The following MYOZ3 variants were observed in gnomAD, a reference collection of about 807,000 sequenced individuals.
MYOZ3 encodes the protein myozenin-3.
In MYOZ3, 19 loss-of-function variants were observed where a neutral mutation model predicts 26.5. That is an observed-to-expected ratio of 0.72 (90% CI 0.50 to 1.05). The LOEUF (loss-of-function observed/expected upper bound fraction) is 1.05. Among genes scored for constraint, MYOZ3 ranks in the 50% least tolerant of loss-of-function variants. The probability of loss-of-function intolerance (pLI) is 0.00; values close to 1 mark genes in which losing one functional copy is unlikely to be tolerated. For synonymous variants in MYOZ3, 135 were observed against 138.8 expected, an observed-to-expected ratio of 0.97 and a Z score of 0.19; for missense variants, 322 against 337.1, an observed-to-expected ratio of 0.96 and a Z score of 0.35.
chr5:150,669,320 C>T (rs895350525), intron 2 of MYOZ3, among the ~76,000 whole-genome samples: 6 of 151,694 alleles, frequency 4.0e-5, no homozygotes, highest in African/African-American at 1.5e-4. Context: ...TGGTGGTGCG[C>T]ACCTGTAATC....
rs1394752525 is a variant in MYOZ3, at chr5:150,679,191, C to T, written c.*2316C>T. 6.6e-6 allele frequency: 1 copy of T among 152,286 alleles called. No homozygotes were observed. Among genetic ancestry groups the T allele is most frequent in the Non-Finnish European group, 1.5e-5 (1 of 68,040 alleles). 9.4% of individuals were successfully genotyped at this position (152,286 alleles called of 1,614,324 possible). Reference sequence around the variant, plus strand: ...GGACTCCAGTTGCCTCAGGTTGGTTCTGCTGTGCTCTGGAAAGTAACTGCA... The same window carrying T: ...GGACTCCAGTTGCCTCAGGTTGGTTTTGCTGTGCTCTGGAAAGTAACTGCA... On this transcript the variant is annotated 3_prime_UTR_variant, in exon 7 of 7. Coordinates refer to ENST00000517768, the MANE Select transcript of MYOZ3 (RefSeq NM_001122853.3).
chr5:150,672,155 G>GT (rs1250128121), intron 5 of MYOZ3, 185 bp from the exon 6 acceptor site: 1 of 1,058,506 alleles, frequency 9.4e-7, no homozygotes, highest in Admixed American at 2.0e-5. Flanking sequence ...GCAGTCCTCC[G>GT]TGTTTCCTGG....
intron 1 of MYOZ3, among the ~76,000 whole-genome samples, chr5:150,662,408 T>C (rs1219254011): frequency 2.0e-5 from 3 of 152,144 alleles, no homozygotes; most frequent in African/African-American, 7.2e-5. Context: ...TTCTCTCTGC[T>C]TGGTTGGACC....
At chr5:150,666,648 T>TAC (rs1554113791) in intron 2 of MYOZ3, among the ~76,000 whole-genome samples, 42 of 143,026 alleles carry the variant, frequency 2.9e-4, no homozygotes, top group African/African-American at 8.3e-4. Context: ...TATATATATA[T>TAC]ACACACACAT....
At position 150,677,481 on chromosome 5, in the gene MYOZ3, CTT is replaced by C. The variant is rs1422880550; in HGVS notation, c.*607_*608del. Reference sequence around the variant, plus strand: ...AGTACTCCAGGTGATTCCAGCATAACTTATCCATGGTTTGTGTCATTAGGAGT... The same window carrying C: ...AGTACTCCAGGTGATTCCAGCATAACATCCATGGTTTGTGTCATTAGGAGT... On this transcript the variant is annotated 3_prime_UTR_variant, in exon 7 of 7. Coordinates refer to ENST00000517768, the MANE Select transcript of MYOZ3 (RefSeq NM_001122853.3). The C allele has an allele frequency of 2.0e-5, 3 of 152,588 alleles. No individual in the cohort carries two copies. Among genetic ancestry groups the C allele is most frequent in the African/African-American group, 7.2e-5 (3 of 41,436 alleles). The allele number at this position is 152,588 out of a possible 1,614,324, so 9.5% of individuals were successfully genotyped here.
intron 3 of MYOZ3, chr5:150,671,312 G>T (rs1309487888): frequency 4.1e-6 from 2 of 492,026 alleles, no homozygotes; most frequent in Admixed American, 3.6e-5. Flanking sequence ...CTGAGGAAGA[G>T]ATCTTCATCA....
chr5:150,664,994 AATACTAT>A (rs1184231704), intron 2 of MYOZ3, among the ~76,000 whole-genome samples: 1 of 151,630 alleles, frequency 6.6e-6, no homozygotes. Context: ...ACATGGGCTA[AATACTAT>A]ATGCTATGTT....
At chr5:150,671,320 T>A in intron 3 of MYOZ3, 1 of 502,086 alleles carries the variant, frequency 2.0e-6, no homozygotes, top group South Asian at 2.5e-5. Context: ...GAGATCTTCA[T>A]CACCATCATC....
intron 2 of MYOZ3, among the ~76,000 whole-genome samples, chr5:150,668,814 C>G (rs1269402267): frequency 6.6e-6 from 1 of 152,130 alleles, no homozygotes; most frequent in Non-Finnish European, 1.5e-5. Flanking sequence ...CAGCCATCAC[C>G]CTGAAAATCC....
chr5:150,662,939 A>G lies in MYOZ3; in HGVS notation c.-1-2A>G. ...CCATTTATGGGGGTCTCTCCTCCAC[A>G]GGATGATCCCCAAGGAGCAGAAGGG... On this transcript the variant is annotated splice_acceptor_variant, in intron 1 of 6. Transcript: ENST00000517768. LOFTEE classifies it low-confidence loss of function (5UTR_SPLICE). 4 of 1,610,716 alleles carry G rather than the reference A, an allele frequency of 2.5e-6. No individual in the cohort carries two copies. Among genetic ancestry groups the G allele is most frequent in the Non-Finnish European group, 3.4e-6 (4 of 1,178,526 alleles).
intron 5 of MYOZ3, 80 bp from the exon 6 acceptor site, chr5:150,672,260 G>A: frequency 6.5e-7 from 1 of 1,542,226 alleles, no homozygotes; most frequent in Non-Finnish European, 8.8e-7. Context: ...AACCGCGTCC[G>A]CGGAATGGGG....
At chr5:150,670,166 G>C (rs6579800) in intron 2 of MYOZ3, 11,959 of 202,070 alleles carry the variant, frequency 0.059, 1,371 homozygotes, top group African/African-American at 0.24. Context: ...AAAATATCGA[G>C]AATCTGACCA....
intron 3 of MYOZ3, chr5:150,671,276 A>C: frequency 1.5e-5 from 5 of 335,188 alleles, no homozygotes; most frequent in Non-Finnish European, 2.2e-5. Flanking sequence ...CTTTGCAGGT[A>C]TCTCATTTAA....
At chr5:150,672,098 G>C in intron 5 of MYOZ3, 190 bp downstream of exon 5, 2 of 1,095,574 alleles carry the variant, frequency 1.8e-6, no homozygotes, top group Non-Finnish European at 2.7e-6. Flanking sequence ...CAGCGAGTCA[G>C]CCAAGGCCAA....
rs1294698251 is a variant in MYOZ3, at chr5:150,671,586, C to T, written c.217-11C>T. On this transcript the variant is annotated splice_polypyrimidine_tract_variant and intron_variant, in intron 3 of 6. Coordinates refer to ENST00000517768, the MANE Select transcript of MYOZ3 (RefSeq NM_001122853.3). ...GCTTCTCTGCGGTTTATTCTACCCC[C>T]TCGTTCCCAGATGCTGGCCGGAAGC... The T allele has an allele frequency of 1.9e-6, 3 of 1,613,748 alleles. No homozygotes were observed. The highest frequency in any genetic ancestry group is 2.7e-5 in the African/African-American group (2 of 74,922).
At chr5:150,666,755 G>T (rs1029025646) in intron 2 of MYOZ3, among the ~76,000 whole-genome samples, 1 of 143,220 alleles carries the variant, frequency 7.0e-6, no homozygotes, top group African/African-American at 2.8e-5. Flanking sequence ...ATTTATACTG[G>T]ATTTCTTTTT....
chr5:150,671,370 A>G (rs925584011), intron 3 of MYOZ3: 8 of 577,628 alleles, frequency 1.4e-5, no homozygotes, highest in Admixed American at 1.2e-4. Context: ...CAGGGAAATT[A>G]AGTATCTTGC....
intron 5 of MYOZ3, 126 bp downstream of exon 5, chr5:150,672,034 G>GC (rs1215475805): frequency 8.2e-6 from 11 of 1,344,304 alleles, no homozygotes; most frequent in Middle Eastern, 4.2e-4. Flanking sequence ...ACGCGCACGC[G>GC]CGCACTCCCC....
At chr5:150,662,240 C>A (rs1341049247) in intron 1 of MYOZ3, among the ~76,000 whole-genome samples, 2 of 152,176 alleles carry the variant, frequency 1.3e-5, no homozygotes, top group Admixed American at 1.3e-4. Flanking sequence ...GTTAAGGGCT[C>A]TGGACCTCAT....
Sources: allele counts gnomAD v4.1 joint callset (sites outside exome capture counted in the v4.1 genomes callset), GRCh38; gene constraint gnomAD v4.1.1; transcripts MANE v1.5; gene names NCBI Gene and HGNC (gene_info 2026-07-23, HGNC 2026-07-21).